SEMA5A: variants seen among roughly 807,000 people sequenced by gnomAD.
The protein encoded by SEMA5A is semaphorin-5A.
SEMA5A carries 55 observed loss-of-function variants against 135.5 expected under a neutral mutation model. That is an observed-to-expected ratio of 0.41 (90% confidence interval 0.33 to 0.51). The LOEUF is 0.51. Among genes scored for constraint, SEMA5A ranks in the 20% least tolerant of loss-of-function variants. SEMA5A has a pLI of 0.37. For missense variants in SEMA5A, 1,290 were observed against 1,419.9 expected, an observed-to-expected ratio of 0.91 and a Z score of 1.47; for synonymous variants, 580 against 546.5, an observed-to-expected ratio of 1.06 and a Z score of -0.85.
intron 7 of SEMA5A, 117 bp downstream of exon 7, chr5:9,226,751 CT>C (rs1747332113): frequency 7.4e-6 from 5 of 672,744 alleles, no homozygotes; most frequent in Middle Eastern, 2.5e-4. Context: ...ACAAAAAGTG[CT>C]TTAGAATTGA....
chr5:9,470,141 G>A (rs1759423243), intron 1 of SEMA5A, among the ~76,000 whole-genome samples: 1 of 152,180 alleles, frequency 6.6e-6, no homozygotes, highest in African/African-American at 2.4e-5. Context: ...AGGTAGCATA[G>A]GTTTTTGACT....
At chr5:9,263,611 C>T (rs1749523485) in intron 5 of SEMA5A, among the ~76,000 whole-genome samples, 1 of 152,168 alleles carries the variant, frequency 6.6e-6, no homozygotes, top group African/African-American at 2.4e-5. Flanking sequence ...GTCGTTAGAA[C>T]TCTTGTATTC....
chr5:9,515,670 C>T (rs1261564596), intron 1 of SEMA5A, among the ~76,000 whole-genome samples: 7 of 152,112 alleles, frequency 4.6e-5, no homozygotes, highest in African/African-American at 9.7e-5. Flanking sequence ...TGATAGTCCC[C>T]GGGAATAGCA....
chr5:9,238,551 T>C (rs1291460574), intron 5 of SEMA5A, among the ~76,000 whole-genome samples: 3 of 152,142 alleles, frequency 2.0e-5, no homozygotes, highest in African/African-American at 7.2e-5. Context: ...ATTTGCTATG[T>C]GTGCTTCCAC....
intron 3 of SEMA5A, among the ~76,000 whole-genome samples, chr5:9,370,252 G>A (rs964352909): frequency 9.9e-5 from 15 of 152,210 alleles, no homozygotes; most frequent in African/African-American, 3.4e-4. Context: ...CTGCTCAGCC[G>A]TTCCTGGCGT....
intron 1 of SEMA5A, among the ~76,000 whole-genome samples, chr5:9,493,288 T>G (rs1165033267): frequency 1.3e-5 from 2 of 150,688 alleles, no homozygotes; most frequent in Admixed American, 1.3e-4. Flanking sequence ...GCAGCATCTA[T>G]CTATCTATCT....
At chr5:9,358,655 T>C (rs1215676668) in intron 3 of SEMA5A, among the ~76,000 whole-genome samples, 1 of 152,232 alleles carries the variant, frequency 6.6e-6, no homozygotes, top group African/African-American at 2.4e-5. Flanking sequence ...AATGAATGAA[T>C]GGATGTGGGT....
intron 16 of SEMA5A, among the ~76,000 whole-genome samples, chr5:9,075,678 T>C (rs1233350525): frequency 6.6e-6 from 1 of 151,766 alleles, no homozygotes; most frequent in Non-Finnish European, 1.5e-5. Context: ...CTGGGACGGG[T>C]ATCAGGGAGG....
chr5:9,511,698 A>G (rs1736213199), intron 1 of SEMA5A, among the ~76,000 whole-genome samples: 3 of 152,286 alleles, frequency 2.0e-5, no homozygotes, highest in Admixed American at 1.3e-4. Flanking sequence ...AAGTGATCTC[A>G]CCACAAAAAA....
At chr5:9,225,169 T>G (rs1032308715) in intron 7 of SEMA5A, among the ~76,000 whole-genome samples, 2 of 152,006 alleles carry the variant, frequency 1.3e-5, no homozygotes, top group African/African-American at 2.4e-5. Context: ...TATATATGCC[T>G]TTGATTTATA....
intron 1 of SEMA5A, among the ~76,000 whole-genome samples, chr5:9,451,084 T>C (rs1000911910): frequency 3.3e-5 from 5 of 152,084 alleles, no homozygotes; most frequent in Non-Finnish European, 5.9e-5. Context: ...TTGTTTGTGA[T>C]TTTTTTTCTA....
In SEMA5A at chr5:9,035,720, T is replaced by C. The variant is rs1395788814; in HGVS notation, c.*7177A>G. 1 of 152,006 alleles carries C rather than the reference T, an allele frequency of 6.6e-6. No individual in the cohort carries two copies. The highest frequency in any genetic ancestry group is 2.4e-5 in the African/African-American group (1 of 41,372). 9.4% of individuals were successfully genotyped at this position (152,006 alleles called of 1,614,324 possible). ...AATATCAATGCTTCAAATGTAAGGA[T>C]TGAAAGAAAGTGTGGTGTGTCCATG... On this transcript the variant is annotated 3_prime_UTR_variant, in exon 23 of 23. Coordinates refer to ENST00000382496, the MANE Select transcript of SEMA5A (RefSeq NM_003966.3).
intron 11 of SEMA5A, among the ~76,000 whole-genome samples, chr5:9,189,107 C>T (rs1341179750): frequency 6.6e-6 from 1 of 152,266 alleles, no homozygotes; most frequent in Admixed American, 6.5e-5. Flanking sequence ...GGGTGCAGGG[C>T]TGGCCCTGCC....
intron 16 of SEMA5A, among the ~76,000 whole-genome samples, chr5:9,094,237 C>T (rs888749022): frequency 6.6e-6 from 1 of 152,112 alleles, no homozygotes; most frequent in Admixed American, 6.6e-5. Context: ...GAAAATTCTG[C>T]AAAGTATAGT....
intron 4 of SEMA5A, among the ~76,000 whole-genome samples, chr5:9,333,746 G>C (rs1207826181): frequency 1.3e-5 from 2 of 152,252 alleles, no homozygotes; most frequent in East Asian, 3.9e-4. Flanking sequence ...TATCCCAAGA[G>C]TAGGAACAAA....
chr5:9,114,159 A>G (rs253653), intron 15 of SEMA5A, among the ~76,000 whole-genome samples: 92,373 of 152,078 alleles, frequency 0.61, 30,086 homozygotes, highest in African/African-American at 0.84. Context: ...ACAACATGGA[A>G]GAACCTTGAA....
intron 1 of SEMA5A, among the ~76,000 whole-genome samples, chr5:9,516,243 GAT>G (rs1055517606): frequency 8.6e-5 from 13 of 151,824 alleles, no homozygotes; most frequent in Admixed American, 7.2e-4. Flanking sequence ...CACAGACACA[GAT>G]ACGCAAACAC....
intron 13 of SEMA5A, among the ~76,000 whole-genome samples, chr5:9,125,289 G>A (rs570002751): frequency 3.3e-5 from 5 of 152,274 alleles, no homozygotes; most frequent in South Asian, 2.1e-4. Flanking sequence ...GTGGCAAAAC[G>A]GACGGAATGG....
At chr5:9,513,711 C>T (rs979901494) in intron 1 of SEMA5A, among the ~76,000 whole-genome samples, 3 of 152,180 alleles carry the variant, frequency 2.0e-5, no homozygotes, top group African/African-American at 7.2e-5. Context: ...ACAATCTATG[C>T]CCCAGAGTCG....
Sources: gnomAD v4.1 joint callset for allele counts (sites outside exome capture counted in the v4.1 genomes callset) on GRCh38, gnomAD v4.1.1 for gene constraint, MANE v1.5 for transcripts, NCBI Gene and HGNC (gene_info 2026-07-23, HGNC 2026-07-21) for gene names.